IQCK: variants seen among roughly 807,000 people sequenced by gnomAD.
The protein encoded by IQCK is IQ motif containing K, also known as IQ domain-containing protein K.
A neutral mutation model predicts 28.1 loss-of-function variants in IQCK; 29 were observed. The observed-to-expected ratio is 1.03, with a 90% CI of 0.77 to 1.41. The LOEUF (loss-of-function observed/expected upper bound fraction) is 1.41. Ranked by LOEUF, IQCK falls within the 40% of genes most tolerant of loss-of-function variation. The probability of loss-of-function intolerance (pLI) is 0.00; values close to 1 mark genes in which losing one functional copy is unlikely to be tolerated. For synonymous variants in IQCK, 113 were observed against 115.1 expected, an observed-to-expected ratio of 0.98 and a Z score of 0.12; for missense variants, 359 against 314.7, an observed-to-expected ratio of 1.14 and a Z score of -1.07.
intron 7 of IQCK, among the ~76,000 whole-genome samples, chr16:19,822,106 C>T (rs2056081839): frequency 7.2e-6 from 1 of 139,332 alleles, no homozygotes; most frequent in African/African-American, 2.6e-5. Context: ...CAAAAAAAAA[C>T]GGCCAAGTGA....
chr16:19,820,784 T>C (rs1597588275), intron 7 of IQCK, among the ~76,000 whole-genome samples: 1 of 152,264 alleles, frequency 6.6e-6, no homozygotes, highest in East Asian at 1.9e-4. Flanking sequence ...TTGAGAAGCG[T>C]ATAGTGTCCA....
chr16:19,762,781 A>C (rs1156475661), intron 4 of IQCK, among the ~76,000 whole-genome samples: 1 of 152,142 alleles, frequency 6.6e-6, no homozygotes, highest in Non-Finnish European at 1.5e-5. Context: ...TTGGGAGGCC[A>C]AGGCAGGGCA....
intron 4 of IQCK, among the ~76,000 whole-genome samples, chr16:19,762,330 G>A (rs2055159663): frequency 6.6e-6 from 1 of 152,166 alleles, no homozygotes; most frequent in Non-Finnish European, 1.5e-5. Flanking sequence ...ACTTAGACCC[G>A]AAGGACTGCT....
At chr16:19,741,498 C>A (rs2054833917) in intron 4 of IQCK, among the ~76,000 whole-genome samples, 1 of 152,132 alleles carries the variant, frequency 6.6e-6, no homozygotes, top group South Asian at 2.1e-4. Context: ...AGATAAATTT[C>A]TAATTATATT....
intron 9 of IQCK, among the ~76,000 whole-genome samples, chr16:19,836,501 C>T (rs1364044795): frequency 2.6e-5 from 4 of 152,198 alleles, no homozygotes; most frequent in East Asian, 1.9e-4. Flanking sequence ...TAATGATTTG[C>T]CCTAAAAGTT....
chr16:19,756,942 C>T (rs1336475156), intron 4 of IQCK, among the ~76,000 whole-genome samples: 1 of 151,688 alleles, frequency 6.6e-6, no homozygotes, highest in Non-Finnish European at 1.5e-5. Context: ...GCTGCCTTGT[C>T]CCTTCCATCT....
At chr16:19,817,137 T>G (rs1489540235) in intron 7 of IQCK, among the ~76,000 whole-genome samples, 1 of 152,132 alleles carries the variant, frequency 6.6e-6, no homozygotes, top group East Asian at 1.9e-4. Flanking sequence ...ACATAAATAA[T>G]GTATACCCTA....
chr16:19,753,294 C>T (rs187099605), intron 4 of IQCK, among the ~76,000 whole-genome samples: 1 of 152,010 alleles, frequency 6.6e-6, no homozygotes, highest in Non-Finnish European at 1.5e-5. Context: ...TTACAGGTGG[C>T]ATGTGCCTGT....
chr16:19,755,753 A>G (rs2055043403), intron 4 of IQCK, among the ~76,000 whole-genome samples: 1 of 151,964 alleles, frequency 6.6e-6, no homozygotes, highest in African/African-American at 2.4e-5. Context: ...TTACTGTGTC[A>G]CTCCCTGTGG....
chr16:19,830,940 A>G (rs1478289111), downstream of IQCK, among the ~76,000 whole-genome samples: 4 of 152,218 alleles, frequency 2.6e-5, no homozygotes, highest in Non-Finnish European at 2.9e-5. Context: ...ATTTCTTCCA[A>G]TAGACTCCAA....
At chr16:19,749,416 G>A (rs962653170) in intron 4 of IQCK, among the ~76,000 whole-genome samples, 5 of 152,076 alleles carry the variant, frequency 3.3e-5, no homozygotes, top group Admixed American at 2.0e-4. Context: ...CACTACAGTG[G>A]CAGAGTTGAA....
At chr16:19,725,994 C>G (rs924904902) in intron 1 of IQCK, among the ~76,000 whole-genome samples, 19 of 151,544 alleles carry the variant, frequency 1.3e-4, no homozygotes, top group Non-Finnish European at 2.5e-4. Flanking sequence ...CTGCTCACCG[C>G]AAGCTCCACC....
chr16:19,833,414 G>A lies in IQCK; in HGVS notation c.802+6277G>A, dbSNP rs200869575. Among the ~76,000 whole-genome samples the A allele has an allele frequency of 3.9e-5, 6 of 152,156 alleles. No homozygotes were observed. In the East Asian group the frequency reaches 9.6e-4, roughly 24 times the overall value. On this transcript the variant is annotated intron_variant, in intron 9 of 9. Transcript: ENST00000320394. ...TCATGGCCTCAAAAATGTTCCTATA[G>A]TGAATAGAAATATGGCTCTGAGCTT...
chr16:19,755,114 A>G (rs1271853367), intron 4 of IQCK, among the ~76,000 whole-genome samples: 1 of 152,194 alleles, frequency 6.6e-6, no homozygotes, highest in East Asian at 1.9e-4. Flanking sequence ...CTGGGATCAT[A>G]GTTACGGATG....
At chr16:19,822,385 CAAAAAAAAAAAA>C (rs1216507836) in intron 7 of IQCK, among the ~76,000 whole-genome samples, 1 of 61,176 alleles carries the variant, frequency 1.6e-5, no homozygotes, top group Non-Finnish European at 3.4e-5. Flanking sequence ...GACTCTGTCT[CAAAAAAAAAAAA>C]AAAAAAAAGC....
In IQCK at chr16:19,733,743, C is replaced by G. The variant is rs1015171508; in HGVS notation, c.292C>G (p.His98Asp). The stretch of plus-strand genomic sequence containing the variant: ...GCTTTTTCATGGCTTCAGTGCAGAG[C>G]ACTATTTTCCGGTTTCCCATTTCAC... Residue 98 changes from histidine to aspartate, a missense_variant, in exon 3 of 8, where the codon CAC becomes GAC. Physicochemically the swap from His to Asp is moderately conservative, Grantham distance 81. Transcript: ENST00000564186. The G allele has an allele frequency of 4.3e-6, 7 of 1,614,194 alleles. No homozygotes were observed. In the African/African-American group the frequency reaches 6.7e-5, roughly 15 times the overall value.
At chr16:19,745,875 G>A (rs2054904329) in intron 4 of IQCK, among the ~76,000 whole-genome samples, 1 of 152,146 alleles carries the variant, frequency 6.6e-6, no homozygotes, top group Non-Finnish European at 1.5e-5. Context: ...TCTCCTTCAT[G>A]TGGCCTCTCA....
At chr16:19,755,767 A>T (rs1019759499) in intron 4 of IQCK, among the ~76,000 whole-genome samples, 5 of 152,214 alleles carry the variant, frequency 3.3e-5, no homozygotes, top group Non-Finnish European at 7.3e-5. Context: ...CCTGTGGTAG[A>T]AGAGATTATA....
At chr16:19,808,672 GC>G (rs1229752844) in intron 7 of IQCK, among the ~76,000 whole-genome samples, 1 of 152,210 alleles carries the variant, frequency 6.6e-6, no homozygotes, top group Non-Finnish European at 1.5e-5. Flanking sequence ...AAATGAAAAT[GC>G]GGGGCTCCTT....
Sources: gnomAD v4.1 joint callset for allele counts (sites outside exome capture counted in the v4.1 genomes callset) on GRCh38, gnomAD v4.1.1 for gene constraint, MANE v1.5 for transcripts, NCBI Gene and HGNC (gene_info 2026-07-23, HGNC 2026-07-21) for gene names.